Variants in FHIT observed in about 807,000 individuals in gnomAD.
The protein encoded by FHIT is fragile histidine triad diadenosine triphosphatase.
A neutral mutation model predicts 17.9 loss-of-function variants in FHIT; 19 were observed. That is an observed-to-expected ratio of 1.06 (90% CI 0.74 to 1.56). The LOEUF is 1.56. Ranked by LOEUF, FHIT falls within the 40% of genes most tolerant of loss-of-function variation. FHIT has a pLI of 0.00. For missense variants in FHIT, 248 were observed against 189.2 expected (o/e 1.31, Z -1.82); for synonymous variants, 81 against 69.7 (o/e 1.16, Z -0.81).
intron 8 of FHIT, among the ~76,000 whole-genome samples, chr3:59,832,755 C>T (rs1701209153): frequency 6.6e-6 from 1 of 152,204 alleles, no homozygotes; most frequent in South Asian, 2.1e-4. Context: ...TCAATAAGAA[C>T]TCAGCCTCAG....
intron 2 of FHIT, among the ~76,000 whole-genome samples, chr3:61,162,014 G>C (rs1037942258): frequency 1.3e-5 from 2 of 152,202 alleles, no homozygotes; most frequent in African/African-American, 2.4e-5. Context: ...CATGACTCCT[G>C]AGTGGGAGTG....
chr3:60,189,833 C>T (rs1702323909), intron 5 of FHIT, among the ~76,000 whole-genome samples: 1 of 152,138 alleles, frequency 6.6e-6, no homozygotes, highest in South Asian at 2.1e-4. Flanking sequence ...ATTCTGTATT[C>T]TTCGGAGTTG....
intron 5 of FHIT, among the ~76,000 whole-genome samples, chr3:60,123,970 ATATATATATATATATATAT>A (rs1705382473): frequency 5.4e-5 from 1 of 18,424 alleles, no homozygotes; most frequent in Admixed American, 9.2e-4. Context: ...CACTAAAAAT[ATATATATATATATATATAT>A]ATATATATAT....
At chr3:61,160,305 G>A (rs1182205540) in intron 2 of FHIT, among the ~76,000 whole-genome samples, 1 of 151,648 alleles carries the variant, frequency 6.6e-6, no homozygotes. Context: ...TTTGAAAAAC[G>A]TGCCATGATC....
chr3:60,901,822 G>A (rs377108220), intron 3 of FHIT, among the ~76,000 whole-genome samples: 6 of 152,222 alleles, frequency 3.9e-5, no homozygotes, highest in African/African-American at 1.4e-4. Flanking sequence ...TCAACAATAT[G>A]TGTGGTGGTG....
At chr3:61,038,691 G>A (rs2033369303) in intron 3 of FHIT, among the ~76,000 whole-genome samples, 4 of 152,106 alleles carry the variant, frequency 2.6e-5, no homozygotes, top group Admixed American at 2.0e-4. Flanking sequence ...AGTGATGTCT[G>A]CAATTTGCTT....
intron 5 of FHIT, among the ~76,000 whole-genome samples, chr3:60,249,682 C>T (rs1338968864): frequency 1.3e-5 from 1 of 74,910 alleles, no homozygotes; most frequent in Non-Finnish European, 2.5e-5. Context: ...CAAGGAAATA[C>T]AGCCAAGACA....
intron 3 of FHIT, among the ~76,000 whole-genome samples, chr3:60,976,643 TAATG>T (rs1710267657): frequency 6.6e-6 from 1 of 152,228 alleles, no homozygotes. Context: ...CATGTTTTCT[TAATG>T]AACCCTTGAG....
chr3:59,941,148 G>A (rs751730589), intron 7 of FHIT, among the ~76,000 whole-genome samples: 2 of 152,138 alleles, frequency 1.3e-5, no homozygotes, highest in Non-Finnish European at 2.9e-5. Context: ...CTGAAAACTA[G>A]GAAGTATAAT....
At chr3:60,655,956 C>G (rs2040104123) in intron 4 of FHIT, among the ~76,000 whole-genome samples, 1 of 152,190 alleles carries the variant, frequency 6.6e-6, no homozygotes, top group African/African-American at 2.4e-5. Flanking sequence ...GCCTGGTGTC[C>G]ATGTTATTTA....
At chr3:60,281,412 A>T (rs746231259) in intron 5 of FHIT, among the ~76,000 whole-genome samples, 27 of 152,166 alleles carry the variant, frequency 1.8e-4, no homozygotes, top group Non-Finnish European at 3.2e-4. Context: ...TGAAGGAGTG[A>T]TACTACTCAA....
chr3:59,877,165 G>T (rs956938890), intron 8 of FHIT, among the ~76,000 whole-genome samples: 1 of 152,178 alleles, frequency 6.6e-6, no homozygotes, highest in Non-Finnish European at 1.5e-5. Context: ...TGCAACTGAT[G>T]TAACCATTCA....
intron 5 of FHIT, among the ~76,000 whole-genome samples, chr3:60,408,634 G>C (rs138664759): frequency 6.6e-6 from 1 of 152,274 alleles, no homozygotes; most frequent in African/African-American, 2.4e-5. Context: ...TGACGGTTAA[G>C]AGGAGAAATA....
chr3:60,180,095 G>T (rs1431794469), intron 5 of FHIT, among the ~76,000 whole-genome samples: 1 of 152,148 alleles, frequency 6.6e-6, no homozygotes, highest in Non-Finnish European at 1.5e-5. Context: ...TGGAGAGCAT[G>T]GAGAGCAGTG....
chr3:60,520,217 CTTTT>C (rs568207260), intron 5 of FHIT, among the ~76,000 whole-genome samples: 1 of 151,764 alleles, frequency 6.6e-6, no homozygotes, highest in Non-Finnish European at 1.5e-5. Flanking sequence ...TACATTTATT[CTTTT>C]TTTAGATATT....
intron 3 of FHIT, among the ~76,000 whole-genome samples, chr3:61,009,499 G>A (rs1323250206): frequency 1.3e-5 from 2 of 152,252 alleles, no homozygotes; most frequent in Middle Eastern, 3.4e-3. Flanking sequence ...ACTGGTTGCT[G>A]TAAAATCATA....
chr3:60,792,403 C>T (rs974061853), intron 4 of FHIT, among the ~76,000 whole-genome samples: 10 of 152,246 alleles, frequency 6.6e-5, no homozygotes, highest in South Asian at 4.2e-4. Flanking sequence ...ATCATGCTGT[C>T]GACAGCCACT....
At chr3:59,900,103 G>A (rs1160375573) in intron 8 of FHIT, among the ~76,000 whole-genome samples, 1 of 152,150 alleles carries the variant, frequency 6.6e-6, no homozygotes, top group Admixed American at 6.5e-5. Context: ...CAGTCATCCG[G>A]CACAATCACC....
intron 8 of FHIT, among the ~76,000 whole-genome samples, chr3:59,904,432 G>C (rs1324325026): frequency 1.3e-5 from 2 of 152,090 alleles, no homozygotes; most frequent in Non-Finnish European, 1.5e-5. Flanking sequence ...GTCAGAAACA[G>C]ATTGGAGAAA....
Sources: gnomAD v4.1 joint callset for allele counts (sites outside exome capture counted in the v4.1 genomes callset) on GRCh38, gnomAD v4.1.1 for gene constraint, MANE v1.5 for transcripts, NCBI Gene and HGNC (gene_info 2026-07-23, HGNC 2026-07-21) for gene names.